The following BTBD3 variants were observed in gnomAD, a reference collection of about 807,000 sequenced individuals.
The protein encoded by BTBD3 is BTB domain containing 3.
BTBD3 carries 14 observed loss-of-function variants against 41.6 expected under a neutral mutation model. That is an observed-to-expected ratio of 0.34 (90% CI 0.22 to 0.53). The LOEUF (loss-of-function observed/expected upper bound fraction) is 0.53. Among genes scored for constraint, BTBD3 ranks in the 20% least tolerant of loss-of-function variants. The probability of loss-of-function intolerance (pLI) is 0.95; values close to 1 mark genes in which losing one functional copy is unlikely to be tolerated. For missense variants in BTBD3, 426 were observed against 654.7 expected (o/e 0.65, Z 3.81); for synonymous variants, 249 against 233.7 (o/e 1.07, Z -0.60).
In BTBD3 at chr20:11,902,077, T is replaced by C. The variant is rs79492964; in HGVS notation, c.-126+11123T>C. Among the ~76,000 whole-genome samples, 230 of 145,036 alleles carry C rather than the reference T, an allele frequency of 1.6e-3. 6 individuals are homozygous for C. The East Asian group carries it at 0.046, about 29-fold the overall frequency. On this transcript the variant is annotated intron_variant, in intron 1 of 4. Transcript: ENST00000254977. ...ACCTCCCACCCCGCACAGTTGAAAA[T>C]CCATGTGTAACTTTTGACTCACAAA...
chr20:11,911,175 G>C (rs555632906), intron 1 of BTBD3, among the ~76,000 whole-genome samples: 2 of 152,210 alleles, frequency 1.3e-5, no homozygotes, highest in East Asian at 3.9e-4. Flanking sequence ...TTACACTCAT[G>C]AGATGGCATC....
At chr20:11,901,454 G>T (rs2056823310) in intron 1 of BTBD3, among the ~76,000 whole-genome samples, 1 of 152,202 alleles carries the variant, frequency 6.6e-6, no homozygotes, top group Non-Finnish European at 1.5e-5. Flanking sequence ...TCCCTATGCA[G>T]TCGCAGTCAG....
chr20:11,891,732 G>A (rs972489064), intron 1 of BTBD3, among the ~76,000 whole-genome samples: 9 of 152,300 alleles, frequency 5.9e-5, no homozygotes, highest in Middle Eastern at 3.4e-3. Flanking sequence ...CGGGCCTGCT[G>A]GGGATCCCTA....
chr20:11,895,181 C>T (rs147561772), intron 1 of BTBD3, among the ~76,000 whole-genome samples: 71 of 152,152 alleles, frequency 4.7e-4, no homozygotes, highest in Middle Eastern at 3.4e-3. Context: ...AGTTTTAGGT[C>T]TTGCTTCTCT....
At chr20:11,905,325 T>TA (rs2056846943) in intron 1 of BTBD3, among the ~76,000 whole-genome samples, 1 of 150,372 alleles carries the variant, frequency 6.7e-6, no homozygotes, top group Non-Finnish European at 1.5e-5. Flanking sequence ...GTAACACAAA[T>TA]AGTTGTACAC....
At chr20:11,917,106 A>G (rs1461698669), upstream of BTBD3, among the ~76,000 whole-genome samples, 2 of 152,234 alleles carry the variant, frequency 1.3e-5, no homozygotes, top group African/African-American at 4.8e-5. Context: ...AGACAAGACT[A>G]AATGTAGCCT....
chr20:11,904,848 A>T (rs2056844155), intron 1 of BTBD3, among the ~76,000 whole-genome samples: 1 of 152,198 alleles, frequency 6.6e-6, no homozygotes, highest in African/African-American at 2.4e-5. Context: ...TGGAATCTAA[A>T]ACCATATCGA....
intron 1 of BTBD3, among the ~76,000 whole-genome samples, chr20:11,907,237 A>T (rs766385097): frequency 6.6e-6 from 1 of 152,198 alleles, no homozygotes; most frequent in East Asian, 1.9e-4. Context: ...TGGTGTTTAC[A>T]GTTGGATTAG....
rs199906131 is a variant in BTBD3, at chr20:11,922,803, G to A, written c.706G>A (p.Glu236Lys). The A allele has an allele frequency of 1.9e-6, 3 of 1,614,196 alleles. No individual in the cohort carries two copies. The highest frequency in any genetic ancestry group is 2.7e-5 in the African/African-American group (2 of 75,038). Reference protein sequence around the residue: ...CVLLSQSCLFEEPDLTQRCWE... With the variant: ...CVLLSQSCLFKEPDLTQRCWE... ...GCTCCTCTCCCAGAGCTGCCTGTTCGAGGAGCCAGACCTGACCCAGCGTTG... is the reference window on the plus strand; with the variant it reads ...GCTCCTCTCCCAGAGCTGCCTGTTCAAGGAGCCAGACCTGACCCAGCGTTG... Residue 236 changes from glutamate (E) to lysine (K), a missense_variant, in exon 4 of 4, where the codon GAG becomes AAG. Transcript: ENST00000378226.
At chr20:11,909,784 A>T (rs751051532) in intron 1 of BTBD3, 3 of 152,274 alleles carry the variant, frequency 2.0e-5, no homozygotes, top group Non-Finnish European at 2.9e-5. Flanking sequence ...AACAAAACAA[A>T]ACAAAACAAC....
intron 1 of BTBD3, among the ~76,000 whole-genome samples, chr20:11,895,295 T>G (rs2056779694): frequency 6.6e-6 from 1 of 152,238 alleles, no homozygotes; most frequent in South Asian, 2.1e-4. Flanking sequence ...CTTTTAACAT[T>G]ACAATTCTAT....
intron 1 of BTBD3, among the ~76,000 whole-genome samples, chr20:11,900,166 C>G (rs753224062): frequency 6.6e-6 from 1 of 152,232 alleles, no homozygotes; most frequent in Non-Finnish European, 1.5e-5. Context: ...TGCATCTGTT[C>G]TACCTGATAA....
intron 1 of BTBD3, among the ~76,000 whole-genome samples, chr20:11,910,783 G>GA (rs1366167673): frequency 6.6e-6 from 1 of 152,142 alleles, no homozygotes; most frequent in Admixed American, 6.5e-5. Flanking sequence ...TGTGGCATGA[G>GA]AAAATACTAG....
At position 11,925,046 on chromosome 20, in the gene BTBD3, G is replaced by A. The variant is rs1482582697; in HGVS notation, c.*1380G>A. 1 of 152,670 alleles carries A rather than the reference G, an allele frequency of 6.6e-6. No homozygotes were observed. Among genetic ancestry groups the A allele is most frequent in the Admixed American group, 6.5e-5 (1 of 15,280 alleles). The allele number at this position is 152,670 out of a possible 1,614,324, so 9.5% of individuals were successfully genotyped here. A position where few individuals can be genotyped will look rare whatever the true frequency, so the allele number is the denominator to read the frequency against. On this transcript the variant is annotated 3_prime_UTR_variant, in exon 4 of 4. Transcript: ENST00000378226. ...GTGTCCAGTGTGTTCACTTCCAGTT[G>A]AAGTATCCATGTGTTTCTGGGCAGC...
In BTBD3 at chr20:11,922,703, G is replaced by A. The variant is rs146595270; in HGVS notation, c.606G>A (p.Lys202=). The A allele has an allele frequency of 1.7e-5, 28 of 1,614,100 alleles. No individual in the cohort carries two copies. The African/African-American group carries it at 3.7e-4, about 22-fold the overall frequency. ...TVLATLYAAK[K]YIVPHLARAC... is the part of the protein sequence containing the mutation. Reference sequence around the variant, plus strand: ...TGGCCACACTTTATGCTGCCAAAAAGTACATTGTCCCTCACCTTGCCAGAG... The same window carrying A: ...TGGCCACACTTTATGCTGCCAAAAAATACATTGTCCCTCACCTTGCCAGAG... The change falls in exon 4 of 4, where the codon AAG becomes AAA. Residue 202 remains lysine, a synonymous_variant. Coordinates refer to ENST00000378226, the MANE Select transcript of BTBD3 (RefSeq NM_014962.4).
intron 1 of BTBD3, among the ~76,000 whole-genome samples, chr20:11,900,476 A>G (rs910053275): frequency 6.6e-6 from 1 of 152,080 alleles, no homozygotes; most frequent in Non-Finnish European, 1.5e-5. Context: ...TTGTCTTTTA[A>G]TGCCACCTAA....
intron 1 of BTBD3, 81 bp downstream of exon 1, chr20:11,918,682 G>T: frequency 7.2e-7 from 1 of 1,393,028 alleles, no homozygotes; most frequent in South Asian, 1.5e-5. Flanking sequence ...TAATGTATTT[G>T]AACACAAATC....
chr20:11,916,962 G>A (rs556773624), upstream of BTBD3, among the ~76,000 whole-genome samples: 67 of 152,262 alleles, frequency 4.4e-4, no homozygotes, highest in African/African-American at 1.5e-3. Context: ...TCAAATGGTA[G>A]CTTATATTCT....
At chr20:11,912,580 A>G (rs768381468) in intron 1 of BTBD3, among the ~76,000 whole-genome samples, 4 of 152,196 alleles carry the variant, frequency 2.6e-5, no homozygotes. Context: ...GAGTACAAGG[A>G]TGAGGAGCTA....
Sources: gnomAD v4.1 joint callset for allele counts (sites outside exome capture counted in the v4.1 genomes callset) on GRCh38, gnomAD v4.1.1 for gene constraint, MANE v1.5 for transcripts, NCBI Gene and HGNC (gene_info 2026-07-23, HGNC 2026-07-21) for gene names.